Variants in ATXN1 observed in about 807,000 individuals in gnomAD.
ATXN1 encodes ataxin-1.
Under a neutral mutation model 56.4 loss-of-function variants are expected in ATXN1, and 8 were observed. The ratio of observed to expected loss-of-function variants is 0.14; its 90% CI spans 0.08 to 0.26. The LOEUF is 0.26. Among genes scored for constraint, ATXN1 ranks in the 10% least tolerant of loss-of-function variants. The pLI is 1.00. For synonymous variants in ATXN1, 514 were observed against 494.6 expected, an observed-to-expected ratio of 1.04 and a Z score of -0.52; for missense variants, 987 against 1,106.5, an observed-to-expected ratio of 0.89 and a Z score of 1.53.
chr6:16,547,125 C>T (rs1039905746), intron 4 of ATXN1, among the ~76,000 whole-genome samples: 3 of 152,292 alleles, frequency 2.0e-5, no homozygotes, highest in Middle Eastern at 3.4e-3. Flanking sequence ...TACAACAGAA[C>T]TGCAAATATT....
intron 6 of ATXN1, among the ~76,000 whole-genome samples, chr6:16,345,319 A>G (rs544114327): frequency 3.3e-5 from 5 of 152,318 alleles, no homozygotes; most frequent in Admixed American, 1.3e-4. Flanking sequence ...GACACTTGCT[A>G]TATGGGAAGG....
chr6:16,418,589 G>A (rs1758964405), intron 6 of ATXN1, among the ~76,000 whole-genome samples: 1 of 151,620 alleles, frequency 6.6e-6, no homozygotes, highest in South Asian at 2.1e-4. Flanking sequence ...TTAAGTTTTA[G>A]GTTACATGTG....
intron 2 of ATXN1, among the ~76,000 whole-genome samples, chr6:16,673,648 ATCATTCAT>A (rs889792033): frequency 6.6e-6 from 1 of 152,218 alleles, no homozygotes; most frequent in African/African-American, 2.4e-5. Context: ...ATTTTTAAAA[ATCATTCAT>A]TCATTCATTC....
At chr6:16,487,747 G>C (rs979687727) in intron 5 of ATXN1, among the ~76,000 whole-genome samples, 20 of 152,118 alleles carry the variant, frequency 1.3e-4, no homozygotes, top group African/African-American at 4.8e-4. Flanking sequence ...TTGAAAACTG[G>C]ATAGGCAATA....
intron 6 of ATXN1, among the ~76,000 whole-genome samples, chr6:16,470,021 A>G (rs1760186558): frequency 6.6e-6 from 1 of 152,108 alleles, no homozygotes; most frequent in South Asian, 2.1e-4. Flanking sequence ...TCAAAGAGAT[A>G]TTTGCACACT....
intron 6 of ATXN1, among the ~76,000 whole-genome samples, chr6:16,349,713 T>C (rs1431468727): frequency 6.6e-6 from 1 of 152,180 alleles, no homozygotes; most frequent in East Asian, 1.9e-4. Context: ...TTGTCTTCTT[T>C]TAGAAAATAC....
chr6:16,540,200 A>G (rs1246815647), intron 4 of ATXN1, among the ~76,000 whole-genome samples: 2 of 152,300 alleles, frequency 1.3e-5, no homozygotes, highest in African/African-American at 4.8e-5. Context: ...ACTCTGTGTC[A>G]GTCTCTTAAT....
At chr6:16,745,610 T>C (rs1760505133) in intron 2 of ATXN1, among the ~76,000 whole-genome samples, 1 of 152,220 alleles carries the variant, frequency 6.6e-6, no homozygotes, top group South Asian at 2.1e-4. Flanking sequence ...GTTTGGGCAA[T>C]ACATGTTTAA....
intron 3 of ATXN1, among the ~76,000 whole-genome samples, chr6:16,594,757 A>G (rs1762785334): frequency 6.6e-6 from 1 of 152,238 alleles, no homozygotes; most frequent in Non-Finnish European, 1.5e-5. Flanking sequence ...CTGGGATTAC[A>G]GGCGTGAGCC....
intron 3 of ATXN1, among the ~76,000 whole-genome samples, chr6:16,618,895 C>T (rs1357717390): frequency 6.6e-6 from 1 of 151,778 alleles, no homozygotes; most frequent in Non-Finnish European, 1.5e-5. Context: ...TACCATTAAA[C>T]AAAGAGTTAA....
In ATXN1 at chr6:16,746,373, C is replaced by T. The variant is rs137876188; in HGVS notation, c.-615+6860G>A. ...CAAAAAGACAAGGCAATGCTGCACACACTAATTGGGAAAGTTGACGCAGAA... is the reference window on the plus strand; with the variant it reads ...CAAAAAGACAAGGCAATGCTGCACATACTAATTGGGAAAGTTGACGCAGAA... On this transcript the variant is annotated intron_variant, in intron 2 of 7. Transcript: ENST00000436367. Among the ~76,000 whole-genome samples, 623 of 152,322 alleles carry T rather than the reference C, an allele frequency of 4.1e-3. 2 individuals carry two copies. The highest frequency in any genetic ancestry group is 0.014 in the African/African-American group (568 of 41,564).
intron 2 of ATXN1, among the ~76,000 whole-genome samples, chr6:16,703,821 A>G (rs56275358): frequency 0.48 from 72,938 of 152,068 alleles, 18,572 homozygotes; most frequent in East Asian, 0.69. Flanking sequence ...GGAGTTCGAG[A>G]CCAATCTGGC....
chr6:16,307,040 G>A (rs544069805), intron 7 of ATXN1, among the ~76,000 whole-genome samples, 181 bp from the exon 8 acceptor site: 27 of 152,306 alleles, frequency 1.8e-4, no homozygotes, highest in Non-Finnish European at 2.9e-4. Context: ...CTATAAATGA[G>A]GCTCTTCTCT....
chr6:16,660,400 G>C (rs1332111154), intron 2 of ATXN1, among the ~76,000 whole-genome samples: 1 of 152,200 alleles, frequency 6.6e-6, no homozygotes. Flanking sequence ...CAATTTGATA[G>C]ACATTTTGGT....
intron 6 of ATXN1, among the ~76,000 whole-genome samples, chr6:16,439,547 T>C (rs993584671): frequency 2.0e-5 from 3 of 151,976 alleles, no homozygotes; most frequent in African/African-American, 7.3e-5. Context: ...AGTGGTTGGT[T>C]TCATACTGTG....
At chr6:16,341,550 G>A (rs1053380728) in intron 6 of ATXN1, among the ~76,000 whole-genome samples, 11 of 135,388 alleles carry the variant, frequency 8.1e-5, no homozygotes, top group Non-Finnish European at 1.1e-4. Context: ...ACAGAGTCTC[G>A]CTCTGTCCCC....
Position 16,327,103 on chromosome 6 carries a change from C to T in ATXN1, c.1208G>A (p.Arg403His), listed in dbSNP as rs1224489105. The T allele has an allele frequency of 8.1e-6, 13 of 1,613,520 alleles. No individual in the cohort carries two copies. Among genetic ancestry groups the T allele is most frequent in the Admixed American group, 3.3e-5 (2 of 60,002 alleles). The change falls in exon 7 of 8, where the codon CGT becomes CAT. Residue 403 changes from arginine (R) to histidine (H), a missense_variant. Coordinates refer to ENST00000436367, the MANE Select transcript of ATXN1 (RefSeq NM_001128164.2). ...GTTGAGGGTAGAAGGGGAGGCTTCA[C>T]GATGAGTGGCCTGTTGCACCTCCAG... The part of the protein sequence containing the change: ...ADLEVQQATH[R>H]EASPSTLNDK...
chr6:16,449,123 T>C (rs895037263), intron 6 of ATXN1, among the ~76,000 whole-genome samples: 1 of 151,802 alleles, frequency 6.6e-6, no homozygotes, highest in African/African-American at 2.4e-5. Flanking sequence ...GGTAGAAAGG[T>C]TGTAGCGCTA....
intron 4 of ATXN1, among the ~76,000 whole-genome samples, chr6:16,539,268 CTT>C (rs761393939): frequency 6.6e-6 from 1 of 152,160 alleles, no homozygotes; most frequent in Non-Finnish European, 1.5e-5. Flanking sequence ...TGCTTTCTCT[CTT>C]CTCTTGTATC....
Sources: allele counts gnomAD v4.1 joint callset (sites outside exome capture counted in the v4.1 genomes callset), GRCh38; gene constraint gnomAD v4.1.1; transcripts MANE v1.5; gene names NCBI Gene and HGNC (gene_info 2026-07-23, HGNC 2026-07-21).